Variants in OR9Q1 observed in about 807,000 individuals in gnomAD.
The protein encoded by OR9Q1 is olfactory receptor 9Q1.
For synonymous variants in OR9Q1, 153 were observed against 148.6 expected, an observed-to-expected ratio of 1.03 and a Z score of -0.22; for missense variants, 374 against 378.8, an observed-to-expected ratio of 0.99 and a Z score of 0.11.
At chr11:58,126,728 A>G (rs1198570006) in intron 2 of OR9Q1, among the ~76,000 whole-genome samples, 1 of 152,216 alleles carries the variant, frequency 6.6e-6, no homozygotes. Context: ...TATGTAGTGT[A>G]TTCTAATACT....
intron 2 of OR9Q1, among the ~76,000 whole-genome samples, chr11:58,136,940 G>A (rs1590609764): frequency 1.3e-5 from 2 of 152,138 alleles, no homozygotes. Context: ...TCATTTTCTC[G>A]CTTGAGCATC....
intron 2 of OR9Q1, chr11:58,119,370 A>T: frequency 6.2e-7 from 1 of 1,613,952 alleles, no homozygotes; most frequent in Non-Finnish European, 8.5e-7. Flanking sequence ...GAAAGAGGGG[A>T]ATCTCCAATT....
At chr11:58,173,649 C>G (rs915124906) in intron 2 of OR9Q1, among the ~76,000 whole-genome samples, 1 of 151,976 alleles carries the variant, frequency 6.6e-6, no homozygotes, top group Non-Finnish European at 1.5e-5. Context: ...CCCCTGAACC[C>G]CACCCCCTCA....
At chr11:58,061,805 C>T (rs1490638409) in intron 2 of OR9Q1, among the ~76,000 whole-genome samples, 1 of 152,232 alleles carries the variant, frequency 6.6e-6, no homozygotes, top group African/African-American at 2.4e-5. Context: ...TAGCACTTAG[C>T]ATATGTTAAG....
At chr11:58,065,217 T>G (rs1248730514) in intron 2 of OR9Q1, among the ~76,000 whole-genome samples, 1 of 152,042 alleles carries the variant, frequency 6.6e-6, no homozygotes. Flanking sequence ...ACAGGCACTC[T>G]GATGTAGAAG....
At chr11:58,043,803 A>G (rs1361157079) in intron 1 of OR9Q1, among the ~76,000 whole-genome samples, 1 of 152,114 alleles carries the variant, frequency 6.6e-6, no homozygotes, top group Non-Finnish European at 1.5e-5. Context: ...TTATTACAGT[A>G]TTGACTTCAC....
Position 58,179,495 on chromosome 11 carries a change from C to T in OR9Q1, c.51C>T (p.Phe17=). 1 of 1,599,116 alleles carries T rather than the reference C, an allele frequency of 6.3e-7. No homozygotes were observed. The highest frequency in any genetic ancestry group is 2.2e-5 in the East Asian group (1 of 44,804). ...TGACCGAGTTCCTCCTTATTGCATT[C>T]ACTGAATATCCTGAATGGGCACTCC... The part of the protein sequence containing the change: ...TLVTEFLLIA[F]TEYPEWALPL... Residue 17 remains phenylalanine (F), a synonymous_variant, in exon 3 of 3, where the codon TTC becomes TTT. Transcript: ENST00000335397.
intron 2 of OR9Q1, among the ~76,000 whole-genome samples, chr11:58,076,987 G>A (rs912259756): frequency 6.6e-5 from 10 of 152,272 alleles, no homozygotes; most frequent in African/African-American, 2.2e-4. Context: ...GAGAATGACA[G>A]TTCTGACAAG....
rs181568182 is a variant in OR9Q1, at chr11:58,095,904, T to C, written c.-15+39957T>C. Reference sequence around the variant, plus strand: ...TAAATACGCATCAAAGTGACAACTCTGTTCCATGCATACATGTCTCACACC... The same window carrying C: ...TAAATACGCATCAAAGTGACAACTCCGTTCCATGCATACATGTCTCACACC... On this transcript the variant is annotated intron_variant, in intron 2 of 2. Transcript: ENST00000335397. Among the ~76,000 whole-genome samples the C allele has an allele frequency of 7.9e-5, 12 of 152,334 alleles. No homozygotes were observed. In the South Asian group the frequency reaches 1.0e-3, roughly 13 times the overall value.
intron 2 of OR9Q1, among the ~76,000 whole-genome samples, chr11:58,095,219 C>G (rs1273599421): frequency 2.0e-5 from 3 of 152,318 alleles, no homozygotes; most frequent in Non-Finnish European, 4.4e-5. Flanking sequence ...TACCTAAAAG[C>G]CTGCCAATGG....
At chr11:58,041,005 T>C (rs1853156800) in intron 1 of OR9Q1, 1 of 152,336 alleles carries the variant, frequency 6.6e-6, no homozygotes, top group Non-Finnish European at 1.5e-5. Context: ...GAGAGTGATA[T>C]GCTTTGCTTC....
chr11:58,150,563 T>A (rs1468190507), intron 2 of OR9Q1, among the ~76,000 whole-genome samples: 1 of 152,224 alleles, frequency 6.6e-6, no homozygotes, highest in Non-Finnish European at 1.5e-5. Flanking sequence ...CATGAGGTTA[T>A]AATGGAGCTG....
At chr11:58,071,005 C>T (rs1403370674) in intron 2 of OR9Q1, among the ~76,000 whole-genome samples, 1 of 152,174 alleles carries the variant, frequency 6.6e-6, no homozygotes, top group Non-Finnish European at 1.5e-5. Context: ...ACAGGGTTTC[C>T]TCAGTTCAGC....
At chr11:58,132,063 C>G (rs1651343170) in intron 2 of OR9Q1, among the ~76,000 whole-genome samples, 2 of 152,182 alleles carry the variant, frequency 1.3e-5, no homozygotes, top group Non-Finnish European at 2.9e-5. Context: ...AACTTTCTGA[C>G]TATCCCAGGA....
chr11:58,069,177 A>C (rs1464930220), intron 2 of OR9Q1, among the ~76,000 whole-genome samples: 2 of 126,078 alleles, frequency 1.6e-5, no homozygotes, highest in Non-Finnish European at 3.1e-5. Context: ...TGCCTCACAC[A>C]TGGGAGACTC....
intron 2 of OR9Q1, among the ~76,000 whole-genome samples, chr11:58,138,549 C>T (rs1262560752): frequency 6.6e-6 from 1 of 152,192 alleles, no homozygotes; most frequent in African/African-American, 2.4e-5. Context: ...TGTTACTAGG[C>T]ACACAGCATG....
At chr11:58,157,431 C>T (rs915950514) in intron 2 of OR9Q1, among the ~76,000 whole-genome samples, 1 of 152,242 alleles carries the variant, frequency 6.6e-6, no homozygotes, top group East Asian at 1.9e-4. Flanking sequence ...TTTCCCCAAT[C>T]GGATTGTAAA....
intron 1 of OR9Q1, among the ~76,000 whole-genome samples, chr11:58,036,729 GAGAATT>G (rs1471224535): frequency 2.6e-5 from 4 of 152,184 alleles, no homozygotes; most frequent in East Asian, 1.9e-4. Context: ...GAAACATCAA[GAGAATT>G]AGAATTAGAA....
chr11:58,171,687 C>T (rs559337631), intron 2 of OR9Q1: 1 of 152,330 alleles, frequency 6.6e-6, no homozygotes, highest in African/African-American at 2.4e-5. Flanking sequence ...GCAAAGGAGG[C>T]CCTGAGGAAA....
Sources: gnomAD v4.1 joint callset for allele counts (sites outside exome capture counted in the v4.1 genomes callset) on GRCh38, gnomAD v4.1.1 for gene constraint, MANE v1.5 for transcripts, NCBI Gene and HGNC (gene_info 2026-07-23, HGNC 2026-07-21) for gene names.